The following CAMTA1 variants were observed in gnomAD, a reference collection of about 807,000 sequenced individuals.
The protein encoded by CAMTA1 is calmodulin binding transcription activator 1, also known as calmodulin-binding transcription activator 1.
In CAMTA1, 27 loss-of-function variants were observed where a neutral mutation model predicts 170.9. That is an observed-to-expected ratio of 0.16 (90% confidence interval 0.12 to 0.22). The LOEUF (loss-of-function observed/expected upper bound fraction) is 0.22, where lower values mean the gene tolerates loss of function less well. Among genes scored for constraint, CAMTA1 ranks in the 10% least tolerant of loss-of-function variants. The pLI is 1.00. For missense variants in CAMTA1, 1,619 were observed against 2,217.2 expected (o/e 0.73, Z 5.42); for synonymous variants, 833 against 891.5 (o/e 0.93, Z 1.17).
intron 5 of CAMTA1, among the ~76,000 whole-genome samples, chr1:7,396,593 T>G (rs1177330486): frequency 1.3e-5 from 2 of 152,206 alleles, no homozygotes; most frequent in Non-Finnish European, 2.9e-5. Context: ...AAGAAAAGCA[T>G]TTAATTTTTT....
At chr1:7,154,685 G>A (rs1434877882) in intron 4 of CAMTA1, among the ~76,000 whole-genome samples, 1 of 152,230 alleles carries the variant, frequency 6.6e-6, no homozygotes, top group South Asian at 2.1e-4. Flanking sequence ...ACACCCACCC[G>A]AGTTCCGGGA....
Position 7,593,771 on chromosome 1 carries a change from G to A in CAMTA1, c.511-46629G>A, listed in dbSNP as rs563064692. Among the ~76,000 whole-genome samples the A allele has an allele frequency of 7.9e-4, 118 of 148,968 alleles. 1 individual carries two copies. The highest frequency in any genetic ancestry group is 2.6e-3 in the African/African-American group (108 of 40,764). ...CTCCCAAACTGTTGAGATTACAGGC[G>A]TGAACCACTGTACCTGGCCCCTAAC... is the stretch of plus-strand genomic sequence containing the variant. On this transcript the variant is annotated intron_variant, in intron 6 of 22. Coordinates refer to ENST00000303635, the MANE Select transcript of CAMTA1 (RefSeq NM_015215.4).
rs183964457 is a variant in CAMTA1, at chr1:7,092,264, C to T, written c.302+893C>T. On this transcript the variant is annotated intron_variant, in intron 4 of 22. Coordinates refer to ENST00000303635, the MANE Select transcript of CAMTA1 (RefSeq NM_015215.4). This position sits in a 1 kb window ranked among gnomAD's most constrained non-coding sequence, Gnocchi z 5.0. ...ACGTTGGACAGAAGCCCCAGAGTCCCCAGGTTTGTTAGGACCAGGGAAGGG... is the reference window on the plus strand; with the variant it reads ...ACGTTGGACAGAAGCCCCAGAGTCCTCAGGTTTGTTAGGACCAGGGAAGGG... Among the ~76,000 whole-genome samples the T allele has an allele frequency of 6.6e-6, 1 of 152,262 alleles. No homozygotes were observed. The highest frequency in any genetic ancestry group is 6.5e-5 in the Admixed American group (1 of 15,298).
At chr1:6,922,521 C>T (rs1008571792) in intron 3 of CAMTA1, among the ~76,000 whole-genome samples, 7 of 152,186 alleles carry the variant, frequency 4.6e-5, no homozygotes, top group Non-Finnish European at 1.0e-4. Flanking sequence ...GCCAGGGCTC[C>T]TCTGGCATCC....
intron 3 of CAMTA1, among the ~76,000 whole-genome samples, chr1:6,916,056 G>C (rs1481436545): frequency 6.6e-6 from 1 of 152,170 alleles, no homozygotes; most frequent in African/African-American, 2.4e-5. Flanking sequence ...TTCGCGGTCT[G>C]TTCCCAGGTG....
At chr1:7,309,434 G>A (rs944002455) in intron 5 of CAMTA1, among the ~76,000 whole-genome samples, 2 of 150,644 alleles carry the variant, frequency 1.3e-5, no homozygotes, top group African/African-American at 2.4e-5. Flanking sequence ...CAAGTAGCTG[G>A]GACTACAGGC....
chr1:7,593,957 G>A (rs1424739241), intron 6 of CAMTA1, among the ~76,000 whole-genome samples: 4 of 151,060 alleles, frequency 2.6e-5, no homozygotes, highest in Non-Finnish European at 4.4e-5. Context: ...CAGGAGAATT[G>A]CTTGAACCTG....
At chr1:7,731,077 A>G (rs1052243925) in intron 11 of CAMTA1, among the ~76,000 whole-genome samples, 2 of 151,864 alleles carry the variant, frequency 1.3e-5, no homozygotes, top group African/African-American at 4.8e-5. Flanking sequence ...CAATTCTAAC[A>G]TGTGTATGTT....
At chr1:7,091,999 G>A (rs1206850753) in intron 4 of CAMTA1, among the ~76,000 whole-genome samples, 2 of 152,202 alleles carry the variant, frequency 1.3e-5, no homozygotes, top group African/African-American at 2.4e-5. Flanking sequence ...GGGACTTAGG[G>A]TTGATTTTAA....
At chr1:7,340,606 C>T (rs555710881) in intron 5 of CAMTA1, among the ~76,000 whole-genome samples, 24 of 143,674 alleles carry the variant, frequency 1.7e-4, no homozygotes, top group African/African-American at 5.5e-4. Flanking sequence ...GGCTTCCATC[C>T]GTCACCTATC....
chr1:6,824,608 T>G (rs1372015436), intron 2 of CAMTA1, among the ~76,000 whole-genome samples: 1 of 152,172 alleles, frequency 6.6e-6, no homozygotes, highest in Non-Finnish European at 1.5e-5. Flanking sequence ...GATTTGTGAT[T>G]TGCTTTTGAA....
chr1:7,448,491 C>A (rs561035453), intron 5 of CAMTA1, among the ~76,000 whole-genome samples: 1 of 152,272 alleles, frequency 6.6e-6, no homozygotes, highest in East Asian at 1.9e-4. Flanking sequence ...AGGCGCCAGC[C>A]CTCCTTGTGG....
At chr1:7,656,916 T>A (rs1156438385) in intron 7 of CAMTA1, among the ~76,000 whole-genome samples, 1 of 152,240 alleles carries the variant, frequency 6.6e-6, no homozygotes, top group Non-Finnish European at 1.5e-5. Flanking sequence ...GTACGAGGGC[T>A]AGGTCAGCAT....
chr1:7,731,584 A>G (rs1366281922), intron 11 of CAMTA1, among the ~76,000 whole-genome samples: 3 of 151,560 alleles, frequency 2.0e-5, no homozygotes, highest in South Asian at 2.1e-4. Context: ...AAAAAAAAAA[A>G]AAAGAAAAGA....
intron 3 of CAMTA1, among the ~76,000 whole-genome samples, chr1:7,011,440 A>G (rs1321355104): frequency 6.6e-6 from 1 of 151,692 alleles, no homozygotes; most frequent in Non-Finnish European, 1.5e-5. Flanking sequence ...GCCCATTCCC[A>G]TCTTTCTAGC....
intron 22 of CAMTA1, among the ~76,000 whole-genome samples, chr1:7,762,001 A>T (rs1040513298): frequency 3.3e-5 from 5 of 152,114 alleles, no homozygotes; most frequent in African/African-American, 4.8e-5. Flanking sequence ...AAAAAATTTT[A>T]AAATTAGCCA....
chr1:6,967,282 A>G (rs575348807), intron 3 of CAMTA1, among the ~76,000 whole-genome samples: 8 of 150,754 alleles, frequency 5.3e-5, no homozygotes, highest in African/African-American at 2.0e-4. Context: ...GCCCATTGGA[A>G]CCCACCTGAA....
intron 6 of CAMTA1, among the ~76,000 whole-genome samples, chr1:7,541,051 G>A (rs1307223496): frequency 2.0e-5 from 3 of 152,260 alleles, no homozygotes; most frequent in Non-Finnish European, 4.4e-5. Flanking sequence ...AAAAAGGGAT[G>A]TGGGGGCTGT....
At chr1:7,218,130 C>G (rs942256814) in intron 4 of CAMTA1, among the ~76,000 whole-genome samples, 2 of 152,222 alleles carry the variant, frequency 1.3e-5, no homozygotes, top group Non-Finnish European at 2.9e-5. Flanking sequence ...CATCCTTGCC[C>G]CACCTTCTAA....
Sources: allele counts gnomAD v4.1 joint callset (sites outside exome capture counted in the v4.1 genomes callset), GRCh38; gene constraint gnomAD v4.1.1; non-coding constraint Gnocchi (gnomAD v3.1); transcripts MANE v1.5; gene names NCBI Gene and HGNC (gene_info 2026-07-23, HGNC 2026-07-21).